Variants in MYCBP2 observed in about 807,000 individuals in gnomAD.
MYCBP2 encodes the protein MYC binding protein 2, also known as E3 ubiquitin-protein ligase MYCBP2.
A neutral mutation model predicts 525.3 loss-of-function variants in MYCBP2; 120 were observed. The ratio of observed to expected loss-of-function variants is 0.23; its 90% confidence interval spans 0.20 to 0.27. The LOEUF (loss-of-function observed/expected upper bound fraction) is 0.27, where lower values mean the gene tolerates loss of function less well. MYCBP2 is among the 10% of genes least tolerant of loss of function. The pLI, the probability that MYCBP2 is intolerant of heterozygous loss-of-function variation, is 1.00. For synonymous variants in MYCBP2, 1,894 were observed against 1,955.8 expected (o/e 0.97, Z 0.83); for missense variants, 4,149 against 5,657.1 (o/e 0.73, Z 8.55).
At chr13:77,092,423 G>A (rs912451840) in intron 59 of MYCBP2, 16 of 151,230 alleles carry the variant, frequency 1.1e-4, no homozygotes, top group African/African-American at 3.9e-4. Context: ...CACATCATTC[G>A]TCCTCTAAAA....
intron 2 of MYCBP2, among the ~76,000 whole-genome samples, chr13:77,288,637 C>T (rs1019138069): frequency 1.3e-5 from 2 of 152,112 alleles, no homozygotes; most frequent in African/African-American, 2.4e-5. Context: ...ATTCTTGTAT[C>T]GCCATGACAG....
In MYCBP2 at chr13:77,158,087, A is replaced by C; in HGVS notation, c.6620T>G (p.Ile2207Ser). 6.3e-7 allele frequency: 1 copy of C among 1,595,310 alleles called. No homozygotes were observed. Among genetic ancestry groups the C allele is most frequent in the Non-Finnish European group, 8.5e-7 (1 of 1,172,992 alleles). The stretch of plus-strand genomic sequence containing the variant: ...AGAAAGAGCTAGACCCTTTCCAAGA[A>C]TTCCAGAATGGGTTTTGCACACCTG... ...ALQVCKTHSG[I>S]LGKGLALSHS... The change falls in exon 45 of 83, where the codon ATT (isoleucine) becomes AGT (serine). Residue 2207 changes from isoleucine to serine, a missense_variant. Ile to Ser is a moderately radical substitution (Grantham distance 142). Coordinates refer to ENST00000544440, the MANE Select transcript of MYCBP2 (RefSeq NM_015057.5).
At chr13:77,113,887 A>T (rs2049271293) in intron 55 of MYCBP2, among the ~76,000 whole-genome samples, 1 of 152,154 alleles carries the variant, frequency 6.6e-6, no homozygotes, top group Non-Finnish European at 1.5e-5. Context: ...TTATAAAGTC[A>T]AGTGGAAAAG....
In MYCBP2 at chr13:77,087,649, T is replaced by C; in HGVS notation, c.10726-16A>G. On this transcript the variant is annotated splice_polypyrimidine_tract_variant and intron_variant, in intron 61 of 82. Transcript: ENST00000544440. Reference sequence around the variant, plus strand: ...AGTTGAAAGCCTGAAGAAATGACGGTTAAATGAGTTCAAGAATAAAATACA... The same window carrying C: ...AGTTGAAAGCCTGAAGAAATGACGGCTAAATGAGTTCAAGAATAAAATACA... 6.2e-7 allele frequency: 1 copy of C among 1,603,356 alleles called. No individual in the cohort carries two copies. Among genetic ancestry groups the C allele is most frequent in the Non-Finnish European group, 8.5e-7 (1 of 1,174,706 alleles).
At position 77,098,581 on chromosome 13, in the gene MYCBP2, A is replaced by C; in HGVS notation, c.8573T>G (p.Val2858Gly). 1 of 1,613,748 alleles carries C rather than the reference A, an allele frequency of 6.2e-7. No individual in the cohort carries two copies. Among genetic ancestry groups the C allele is most frequent in the South Asian group, 1.1e-5 (1 of 91,072 alleles). The change falls in exon 56 of 83, where the codon GTT becomes GGT. Residue 2858 changes from valine to glycine, a missense_variant. Physicochemically the swap from Val to Gly is moderately radical, Grantham distance 109. Around this residue, in one of 21 missense-constraint regions of MYCBP2, gnomAD observed 653 missense variants for 744.7 expected, o/e 0.88. Coordinates refer to ENST00000544440, the MANE Select transcript of MYCBP2 (RefSeq NM_015057.5). ...KNLPQKSTAP[V>G]KTKLDPPRER... Reference sequence around the variant, plus strand: ...CCGAGGAGGATCAAGCTTTGTCTTAACAGGAGCAGTACTTTTTTGAGGTAG... The same window carrying C: ...CCGAGGAGGATCAAGCTTTGTCTTACCAGGAGCAGTACTTTTTTGAGGTAG...
In MYCBP2 at chr13:77,058,136, G is replaced by A. The variant is rs1033245059; in HGVS notation, c.13329+82C>T. The A allele has an allele frequency of 4.8e-5, 71 of 1,481,566 alleles. No individual in the cohort carries two copies. The highest frequency in any genetic ancestry group is 4.6e-4 in the Middle Eastern group (2 of 4,384). The allele number at this position is 1,481,566 out of a possible 1,614,324, so 91.8% of individuals were successfully genotyped here. A position where few individuals can be genotyped will look rare whatever the true frequency, so the allele number is the denominator to read the frequency against. On this transcript the variant is annotated intron_variant, in intron 78 of 82. Coordinates refer to ENST00000544440, the MANE Select transcript of MYCBP2 (RefSeq NM_015057.5). The surrounding 1 kb of genome is among the most constrained non-coding windows in gnomAD (Gnocchi z 4.1). ...ATTACAGGCATGAGCCACTGCGCCC[G>A]GCCTCAATCAATGTTTATTTGACAA... is the stretch of plus-strand genomic sequence containing the variant.
chr13:77,133,326 T>C (rs2053221939), intron 52 of MYCBP2, among the ~76,000 whole-genome samples: 1 of 152,176 alleles, frequency 6.6e-6, no homozygotes, highest in South Asian at 2.1e-4. Flanking sequence ...AAGGAGCATA[T>C]ATATGTTAGA....
chr13:77,318,219 G>C (rs1171054022), intron 1 of MYCBP2, among the ~76,000 whole-genome samples: 2 of 152,140 alleles, frequency 1.3e-5, no homozygotes, highest in Non-Finnish European at 2.9e-5. Context: ...CTGTCAGGCT[G>C]GATATTCAGC....
chr13:77,270,930 T>A (rs1178122902), intron 5 of MYCBP2, among the ~76,000 whole-genome samples: 1 of 152,174 alleles, frequency 6.6e-6, no homozygotes, highest in Non-Finnish European at 1.5e-5. Context: ...AATTTCTTCC[T>A]CTTTATCTTT....
chr13:77,199,743 C>A (rs1053145061), intron 26 of MYCBP2, among the ~76,000 whole-genome samples: 1 of 152,260 alleles, frequency 6.6e-6, no homozygotes, highest in Middle Eastern at 3.4e-3. Flanking sequence ...CCCTGACCCT[C>A]CAGCAGCCTA....
rs560689182 is a variant in MYCBP2 at position 77,326,955 on chromosome 13, C to G, written c.-180G>C. ...CTCCTCCTTCTTCTCCTCCTCCCCC[C>G]CGCGCCGCCCTCGCCGCTACTGGGG... On this transcript the variant is annotated 5_prime_UTR_variant, in exon 1 of 83. Transcript: ENST00000544440. This position sits in a 1 kb window ranked among gnomAD's most constrained non-coding sequence, Gnocchi z 4.2. 5.7e-6 allele frequency: 3 copies of G among 526,752 alleles called. No homozygotes were observed. The highest frequency in any genetic ancestry group is 4.4e-5 in the Admixed American group (1 of 22,946). 32.6% of individuals were successfully genotyped at this position (526,752 alleles called of 1,614,324 possible).
At chr13:77,124,210 T>G (rs1292117281) in intron 54 of MYCBP2, among the ~76,000 whole-genome samples, 2 of 152,200 alleles carry the variant, frequency 1.3e-5, no homozygotes, top group Non-Finnish European at 2.9e-5. Context: ...CACGTTAGTT[T>G]AAATTCTAGA....
In MYCBP2 at chr13:77,310,105, C is replaced by T. The variant is rs181799710; in HGVS notation, c.303-13431G>A. 3.2e-4 allele frequency among the ~76,000 whole-genome samples: 49 copies of T among 152,176 alleles called. 1 individual carries two copies. The highest frequency in any genetic ancestry group is 9.1e-4 in the African/African-American group (38 of 41,544). On this transcript the variant is annotated intron_variant, in intron 1 of 82. Transcript: ENST00000544440. ...CCAGCCTGGCAACGGAGTGAGACTC[C>T]GTCTCAGAAAAACAGACAAAAAAAA...
intron 2 of MYCBP2, among the ~76,000 whole-genome samples, chr13:77,292,325 T>A (rs913741444): frequency 6.6e-6 from 1 of 152,094 alleles, no homozygotes; most frequent in East Asian, 1.9e-4. Context: ...AAATTGCTTG[T>A]GAGATTTATG....
chr13:77,128,018 G>C (rs949028885), intron 52 of MYCBP2, among the ~76,000 whole-genome samples: 1 of 151,726 alleles, frequency 6.6e-6, no homozygotes, highest in African/African-American at 2.4e-5. Context: ...TAACGGAAAT[G>C]AGAATTTTAA....
intron 8 of MYCBP2, among the ~76,000 whole-genome samples, chr13:77,265,828 T>G (rs1337429216): frequency 1.3e-5 from 2 of 152,186 alleles, no homozygotes; most frequent in Non-Finnish European, 2.9e-5. Flanking sequence ...AGATTTTCTC[T>G]TTATCCTTTC....
intron 1 of MYCBP2, among the ~76,000 whole-genome samples, chr13:77,302,074 G>A (rs2078868253): frequency 1.3e-5 from 2 of 151,932 alleles, no homozygotes; most frequent in Non-Finnish European, 2.9e-5. Context: ...AAAGTCAGAT[G>A]GTCTCATATT....
At chr13:77,213,810 A>C (rs979400732) in intron 21 of MYCBP2, among the ~76,000 whole-genome samples, 1 of 152,236 alleles carries the variant, frequency 6.6e-6, no homozygotes, top group African/African-American at 2.4e-5. Flanking sequence ...TATGCTGTGC[A>C]AACAAATCTA....
In MYCBP2 at chr13:77,098,735, T is replaced by C. The variant is rs766090684; in HGVS notation, c.8419A>G (p.Ser2807Gly). The change falls in exon 56 of 83, where the codon AGC (serine) becomes GGC (glycine). Residue 2807 changes from serine to glycine, a missense_variant. Around this residue, in one of 21 missense-constraint regions of MYCBP2, gnomAD observed 653 missense variants for 744.7 expected, o/e 0.88. Transcript: ENST00000544440. ...GGTCCTGGGGATTCAGCTCTGGAGCTAGAAGGCATCCTCCCATCAGATTTC... is the reference window on the plus strand; with the variant it reads ...GGTCCTGGGGATTCAGCTCTGGAGCCAGAAGGCATCCTCCCATCAGATTTC... ...TLKSDGRMPS[S>G]SRAESPGPGS... is the part of the protein sequence containing the mutation. 1.2e-6 allele frequency: 2 copies of C among 1,613,446 alleles called. No homozygotes were observed. The highest frequency in any genetic ancestry group is 3.3e-5 in the Admixed American group (2 of 59,892).
Sources: gnomAD v4.1 joint callset for allele counts (sites outside exome capture counted in the v4.1 genomes callset) on GRCh38, gnomAD v4.1.1 for gene constraint, gnomAD v4.1.1 regional missense constraint, Gnocchi (gnomAD v3.1) non-coding constraint, MANE v1.5 for transcripts, NCBI Gene and HGNC (gene_info 2026-07-23, HGNC 2026-07-21) for gene names.